TENM3: variants seen among roughly 807,000 people sequenced by gnomAD.
TENM3 encodes the protein teneurin transmembrane protein 3.
Under a neutral mutation model 255.1 loss-of-function variants are expected in TENM3, and 63 were observed. That is an observed-to-expected ratio of 0.25 (90% confidence interval 0.20 to 0.30). The LOEUF is 0.30. TENM3 is among the 10% of genes least tolerant of loss of function. The pLI is 1.00. For missense variants in TENM3, 2,929 were observed against 3,461.1 expected (o/e 0.85, Z 3.86); for synonymous variants, 1,306 against 1,322.3 (o/e 0.99, Z 0.27).
chr4:181,461,108 C>T, the TENM3 span, among the ~76,000 whole-genome samples: 3 of 151,904 alleles, frequency 2.0e-5, no homozygotes, highest in Non-Finnish European at 4.4e-5. Context: ...CTGTATCAGA[C>T]TATCGGAAAA....
intron 12 of TENM3, among the ~76,000 whole-genome samples, chr4:182,704,934 G>T (rs1282120561): frequency 1.3e-5 from 2 of 150,142 alleles, no homozygotes; most frequent in African/African-American, 2.5e-5. Flanking sequence ...TCCATAATCT[G>T]ATAATTCTGT....
chr4:182,047,611 G>T, the TENM3 span, among the ~76,000 whole-genome samples: 4 of 150,158 alleles, frequency 2.7e-5, no homozygotes, highest in African/African-American at 9.8e-5. Context: ...ATTTTCCCGG[G>T]AAATAATATA....
chr4:181,719,239 T>TAAATAAATAAATAAATAAATAAAA, the TENM3 span, among the ~76,000 whole-genome samples: 1 of 150,750 alleles, frequency 6.6e-6, no homozygotes, highest in Non-Finnish European at 1.5e-5. Context: ...AATAAATAAA[T>TAAATAAATAAATAAATAAATAAAA]AAAATAAAAA....
intron 3 of TENM3, among the ~76,000 whole-genome samples, chr4:182,370,836 G>A (rs1339079710): frequency 1.3e-5 from 2 of 152,164 alleles, no homozygotes; most frequent in Non-Finnish European, 2.9e-5. Context: ...CTGCCAAATA[G>A]TTGAATATCT....
At chr4:182,669,870 T>C (rs1755055903) in intron 6 of TENM3, among the ~76,000 whole-genome samples, 3 of 152,186 alleles carry the variant, frequency 2.0e-5, no homozygotes, top group South Asian at 4.1e-4. Flanking sequence ...GAGCCTTAGT[T>C]TCCTCATCTC....
At chr4:182,243,565 G>A (rs1389898000) in intron 1 of TENM3, 89 bp downstream of exon 1, 1 of 152,232 alleles carries the variant, frequency 6.6e-6, no homozygotes, top group Non-Finnish European at 1.5e-5. Context: ...TGAGAAGAGA[G>A]TATCGAGGTA....
chr4:181,771,046 C>T, the TENM3 span, among the ~76,000 whole-genome samples: 5 of 152,140 alleles, frequency 3.3e-5, no homozygotes, highest in Non-Finnish European at 5.9e-5. Flanking sequence ...GTGTTCAGTC[C>T]GGGTTCCTGA....
At chr4:182,764,572 G>C (rs932816757) in intron 22 of TENM3, among the ~76,000 whole-genome samples, 1 of 152,184 alleles carries the variant, frequency 6.6e-6, no homozygotes, top group South Asian at 2.1e-4. Flanking sequence ...GTGAATAAAG[G>C]CTACCCAGAA....
chr4:182,439,527 A>G (rs1772304609), intron 3 of TENM3, among the ~76,000 whole-genome samples: 1 of 152,232 alleles, frequency 6.6e-6, no homozygotes, highest in African/African-American at 2.4e-5. Flanking sequence ...ATTTCATGTG[A>G]AAGAACCTAA....
At chr4:182,080,463 A>G in the TENM3 span, among the ~76,000 whole-genome samples, 2 of 152,228 alleles carry the variant, frequency 1.3e-5, no homozygotes, top group African/African-American at 2.4e-5. Flanking sequence ...AAATCTTAAA[A>G]GTAGTGACCT....
At chr4:181,968,982 C>CTA in the TENM3 span, among the ~76,000 whole-genome samples, 14 of 141,594 alleles carry the variant, frequency 9.9e-5, no homozygotes, top group African/African-American at 3.7e-4. Context: ...CTCTCTCTCT[C>CTA]TCTCTCTCTC....
chr4:182,066,432 G>A, the TENM3 span, among the ~76,000 whole-genome samples: 1 of 152,066 alleles, frequency 6.6e-6, no homozygotes, highest in Non-Finnish European at 1.5e-5. Context: ...AGGAGATTTG[G>A]ACAATGGTCT....
At chr4:181,979,612 G>A in the TENM3 span, among the ~76,000 whole-genome samples, 59 of 152,232 alleles carry the variant, frequency 3.9e-4, no homozygotes, top group Non-Finnish European at 7.2e-4. Flanking sequence ...GTTCAGGAGG[G>A]ACCAGAGTTG....
the TENM3 span, among the ~76,000 whole-genome samples, chr4:181,980,905 G>A: frequency 6.6e-6 from 1 of 151,876 alleles, no homozygotes; most frequent in Admixed American, 6.6e-5. Flanking sequence ...ATGTCCTGAA[G>A]AGAAATCTAA....
chr4:182,482,981 A>T (rs1419675841), intron 3 of TENM3, among the ~76,000 whole-genome samples: 1 of 152,196 alleles, frequency 6.6e-6, no homozygotes, highest in Non-Finnish European at 1.5e-5. Context: ...ATTGAAATTA[A>T]GAATATTACC....
chr4:181,869,825 A>G, the TENM3 span, among the ~76,000 whole-genome samples: 4 of 152,152 alleles, frequency 2.6e-5, no homozygotes, highest in African/African-American at 9.7e-5. Flanking sequence ...ATGCTCAACA[A>G]ACAATAAAAA....
chr4:182,716,495 A>G (rs1323703059), intron 13 of TENM3, among the ~76,000 whole-genome samples: 1 of 152,208 alleles, frequency 6.6e-6, no homozygotes, highest in Admixed American at 6.5e-5. Context: ...CTTATCTCAC[A>G]TAATTTGTAT....
chr4:182,696,988 A>G (rs1485275771), intron 12 of TENM3, among the ~76,000 whole-genome samples: 1 of 151,994 alleles, frequency 6.6e-6, no homozygotes, highest in Non-Finnish European at 1.5e-5. Flanking sequence ...GCCTCAGTTT[A>G]CTCATCTATA....
the TENM3 span, among the ~76,000 whole-genome samples, chr4:181,536,071 A>G: frequency 2.2e-4 from 33 of 152,216 alleles, no homozygotes; most frequent in Non-Finnish European, 3.5e-4. Flanking sequence ...TATGAAACGT[A>G]AAAGCCAAAA....
Sources: allele counts gnomAD v4.1 joint callset (sites outside exome capture counted in the v4.1 genomes callset), GRCh38; gene constraint gnomAD v4.1.1; transcripts MANE v1.5; gene names NCBI Gene and HGNC (gene_info 2026-07-23, HGNC 2026-07-21).